MYO1C: variants seen among roughly 807,000 people sequenced by gnomAD.
MYO1C encodes the protein unconventional myosin-Ic.
In MYO1C, 104 loss-of-function variants were observed where a neutral mutation model predicts 150.8. The observed-to-expected ratio is 0.69, with a 90% CI of 0.59 to 0.81. The LOEUF (loss-of-function observed/expected upper bound fraction) is 0.81. MYO1C is among the 30% of genes least tolerant of loss of function. MYO1C has a pLI of 0.00. For synonymous variants in MYO1C, 663 were observed against 579.9 expected (o/e 1.14, Z -2.06); for missense variants, 1,504 against 1,435.0 (o/e 1.05, Z -0.78).
chr17:1,488,714 G>C (rs769516830), intron 1 of MYO1C, among the ~76,000 whole-genome samples: 14 of 152,222 alleles, frequency 9.2e-5, no homozygotes, highest in Non-Finnish European at 1.6e-4. Context: ...TGTCGGTGTC[G>C]TGTGATTCTA....
Position 1,468,510 on chromosome 17 carries a change from G to C in MYO1C, c.2611-14C>G. 6.2e-7 allele frequency: 1 copy of C among 1,607,922 alleles called. No individual in the cohort carries two copies. The highest frequency in any genetic ancestry group is 8.5e-7 in the Non-Finnish European group (1 of 1,174,788). Reference sequence around the variant, plus strand: ...CTTCTGCTGCAGCTGAGGAGACAAGGGGGGTGAGGAGAGTGTCATGGTGGG... The same window carrying C: ...CTTCTGCTGCAGCTGAGGAGACAAGCGGGGTGAGGAGAGTGTCATGGTGGG... On this transcript the variant is annotated splice_polypyrimidine_tract_variant and intron_variant, in intron 25 of 31. Transcript: ENST00000648651.
rs771545332 is a variant in MYO1C at position 1,467,889 on chromosome 17, C to A, written c.2918G>T (p.Ser973Ile). The change falls in exon 29 of 32, where the codon AGC becomes ATC. Residue 973 changes from serine (S) to isoleucine (I), a missense_variant. Physicochemically the swap from Ser to Ile is moderately radical, Grantham distance 142. Coordinates refer to ENST00000648651, the MANE Select transcript of MYO1C (RefSeq NM_001080779.2). ...NLTGISVSSLSDSLFVLHVQR... is the reference protein window; with the variant it reads ...NLTGISVSSLIDSLFVLHVQR... ...TACATGAAGCACAAAAAGACTGTCG[C>A]TCAGGCTGCTGACAGAGATTCCTGA... 1 of 1,611,436 alleles carries A rather than the reference C, an allele frequency of 6.2e-7. No individual in the cohort carries two copies. Among genetic ancestry groups the A allele is most frequent in the Admixed American group, 1.7e-5 (1 of 59,592 alleles).
chr17:1,484,460 AGGGCCTGGGTGTGG>A, intron 1 of MYO1C, 157 bp from the exon 2 acceptor site: 1 of 447,916 alleles, frequency 2.2e-6, no homozygotes, highest in Non-Finnish European at 3.6e-6. Flanking sequence ...CTGGGTGCTG[AGGGCCTGGGTGTGG>A]TGGGCCGGGT....
intron 1 of MYO1C, among the ~76,000 whole-genome samples, chr17:1,492,202 C>T (rs1202307736): frequency 6.6e-6 from 1 of 152,226 alleles, no homozygotes; most frequent in Non-Finnish European, 1.5e-5. Context: ...AGAGTCAAGC[C>T]CAGACCTCCA....
rs970202823 is a variant in MYO1C, at chr17:1,478,059, C to T, written c.1401+28G>A. 3.2e-5 allele frequency: 52 copies of T among 1,613,140 alleles called. No homozygotes were observed. Among genetic ancestry groups the T allele is most frequent in the East Asian group, 3.1e-4 (14 of 44,884 alleles). On this transcript the variant is annotated intron_variant, in intron 12 of 31. Coordinates refer to ENST00000648651, the MANE Select transcript of MYO1C (RefSeq NM_001080779.2). The surrounding 1 kb of genome is among the most constrained non-coding windows in gnomAD (Gnocchi z 6.3). ...CGATACCCAGGCTCCCCGTGGCCCA[C>T]GGAGAGTGCCCCCAGGCTAGCACAC...
chr17:1,478,004 TG>T lies in MYO1C; in HGVS notation c.1402-34del. On this transcript the variant is annotated intron_variant, in intron 12 of 31. Transcript: ENST00000648651. The surrounding 1 kb of genome is among the most constrained non-coding windows in gnomAD (Gnocchi z 6.3). ...GCAGAAGGGAAGGAAGGGATCACCG[TG>T]GGGTCCTGGCACCCTCTCCCAGGGG... The T allele has an allele frequency of 6.2e-7, 1 of 1,612,674 alleles. No individual in the cohort carries two copies. The highest frequency in any genetic ancestry group is 1.3e-5 in the African/African-American group (1 of 75,010).
Position 1,479,566 on chromosome 17 carries a change from C to G in MYO1C, c.1020+26G>C. Reference sequence around the variant, plus strand: ...CCAGCCCCCGCCCCCGCCGTCCTCCCGTCGCCCTCTGCCCGCCCCACTCAC... The same window carrying G: ...CCAGCCCCCGCCCCCGCCGTCCTCCGGTCGCCCTCTGCCCGCCCCACTCAC... On this transcript the variant is annotated intron_variant, in intron 8 of 31. Coordinates refer to ENST00000648651, the MANE Select transcript of MYO1C (RefSeq NM_001080779.2). This position sits in a 1 kb window ranked among gnomAD's most constrained non-coding sequence, Gnocchi z 4.2. The G allele has an allele frequency of 6.4e-7, 1 of 1,560,848 alleles. No individual in the cohort carries two copies.
chr17:1,490,401 G>C (rs1302186037), intron 1 of MYO1C, among the ~76,000 whole-genome samples: 1 of 152,164 alleles, frequency 6.6e-6, no homozygotes, highest in Non-Finnish European at 1.5e-5. Flanking sequence ...AGGAGGCTGA[G>C]GCAGGAGAAT....
intron 1 of MYO1C, chr17:1,491,795 G>A: frequency 5.5e-6 from 2 of 364,502 alleles, no homozygotes; most frequent in Non-Finnish European, 7.6e-6. Flanking sequence ...GCGAAGCCTC[G>A]GTGCGTGCGG....
intron 14 of MYO1C, among the ~76,000 whole-genome samples, chr17:1,476,490 A>G (rs1323335837): frequency 6.6e-6 from 1 of 152,170 alleles, no homozygotes; most frequent in Non-Finnish European, 1.5e-5. Context: ...CAAATTTTCA[A>G]TATATTATTA....
intron 1 of MYO1C, among the ~76,000 whole-genome samples, chr17:1,488,615 A>G (rs2074695308): frequency 6.6e-6 from 1 of 152,184 alleles, no homozygotes; most frequent in Non-Finnish European, 1.5e-5. Context: ...CGGGCACTGG[A>G]ACACCTTACT....
Position 1,470,606 on chromosome 17 carries a change from C to T in MYO1C, c.2281+15G>A. On this transcript the variant is annotated intron_variant, in intron 22 of 31. Coordinates refer to ENST00000648651, the MANE Select transcript of MYO1C (RefSeq NM_001080779.2). ...CCAGACCCCGCCCCTCCTGAACACCCATGGGCCCGCGAACCTGATCTCTTC... is the reference window on the plus strand; with the variant it reads ...CCAGACCCCGCCCCTCCTGAACACCTATGGGCCCGCGAACCTGATCTCTTC... 6.2e-7 allele frequency: 1 copy of T among 1,610,662 alleles called. No individual in the cohort carries two copies. Among genetic ancestry groups the T allele is most frequent in the Non-Finnish European group, 8.5e-7 (1 of 1,178,906 alleles).
intron 7 of MYO1C, among the ~76,000 whole-genome samples, 200 bp downstream of exon 7, chr17:1,480,327 A>T (rs937323359): frequency 2.0e-4 from 31 of 151,356 alleles, no homozygotes; most frequent in South Asian, 8.4e-4. Context: ...GGGCGCCTGT[A>T]ATCCCAGCTA....
At position 1,470,667 on chromosome 17, in the gene MYO1C, C is replaced by G. The variant is rs752825209; in HGVS notation, c.2235G>C (p.Trp745Cys). ...ATTTCTGCCGCCAGTGAAAGCCCCT[C>G]CAGGCAGCTTGGATCTTTGTGGCTG... Reference protein sequence around the residue: ...QSLATKIQAAWRGFHWRQKFL... With the variant: ...QSLATKIQAACRGFHWRQKFL... The change falls in exon 22 of 32, where the codon TGG (tryptophan) becomes TGC (cysteine). Residue 745 changes from tryptophan (W) to cysteine (C), a missense_variant. By Grantham distance (215) the Trp-to-Cys change is radical. Coordinates refer to ENST00000648651, the MANE Select transcript of MYO1C (RefSeq NM_001080779.2). The G allele has an allele frequency of 1.2e-6, 2 of 1,608,832 alleles. No individual in the cohort carries two copies. The highest frequency in any genetic ancestry group is 2.2e-5 in the South Asian group (2 of 90,846).
intron 14 of MYO1C, among the ~76,000 whole-genome samples, chr17:1,475,529 G>A (rs78991505): frequency 0.053 from 8,142 of 152,264 alleles, 748 homozygotes; most frequent in African/African-American, 0.19. Flanking sequence ...TGCCAGGACC[G>A]GGACCTGGGC....
intron 25 of MYO1C, 45 bp downstream of exon 25, chr17:1,469,486 C>T: frequency 6.6e-7 from 1 of 1,520,530 alleles, no homozygotes; most frequent in South Asian, 1.2e-5. Context: ...GCTTGCGACT[C>T]CCTGACTCCA....
chr17:1,468,586 C>T (rs180795421), intron 25 of MYO1C, 90 bp from the exon 26 acceptor site: 14 of 1,041,896 alleles, frequency 1.3e-5, no homozygotes, highest in Non-Finnish European at 1.9e-5. Context: ...AGACAGCCTC[C>T]CTCACCCGCT....
rs376356849 is a variant in MYO1C at position 1,469,605 on chromosome 17, G to A, written c.2536C>T (p.Leu846Phe). The A allele has an allele frequency of 2.2e-5, 35 of 1,611,802 alleles. No homozygotes were observed. The highest frequency in any genetic ancestry group is 3.3e-5 in the Admixed American group (2 of 59,878). The change falls in exon 25 of 32, where the codon CTT becomes TTT. Residue 846 changes from leucine (L) to phenylalanine (F), a missense_variant. By Grantham distance (22) the Leu-to-Phe change is conservative. Transcript: ENST00000648651. ...TTCTTTATGCACAACTCCCGCAGAA[G>A]CTCTGAGGCCTAAGGGGAGGAGTGA... ...PPPALREASE[L>F]LRELCIKNMV... is the part of the protein sequence containing the mutation.
At chr17:1,467,067 T>C (rs2150927517) in intron 31 of MYO1C, among the ~76,000 whole-genome samples, 175 bp downstream of exon 31, 1 of 152,330 alleles carries the variant, frequency 6.6e-6, no homozygotes, top group South Asian at 2.1e-4. Context: ...CCTTTACAAC[T>C]TTCTGCACTG....
Sources: gnomAD v4.1 joint callset for allele counts (sites outside exome capture counted in the v4.1 genomes callset) on GRCh38, gnomAD v4.1.1 for gene constraint, Gnocchi (gnomAD v3.1) non-coding constraint, MANE v1.5 for transcripts, NCBI Gene and HGNC (gene_info 2026-07-23, HGNC 2026-07-21) for gene names.